The following HTR7 variants were observed in gnomAD, a reference collection of about 807,000 sequenced individuals.
The protein encoded by HTR7 is 5-hydroxytryptamine receptor 7, also known as 5-HT-7.
A neutral mutation model predicts 34.0 loss-of-function variants in HTR7; 16 were observed. That is an observed-to-expected ratio of 0.47 (90% CI 0.32 to 0.71). The LOEUF is 0.71. Among genes scored for constraint, HTR7 ranks in the 30% least tolerant of loss-of-function variants. The probability of loss-of-function intolerance (pLI) is 0.04; values close to 1 mark genes in which losing one functional copy is unlikely to be tolerated. For missense variants in HTR7, 504 were observed against 625.5 expected (o/e 0.81, Z 2.07); for synonymous variants, 265 against 260.2 (o/e 1.02, Z -0.18).
intron 1 of HTR7, among the ~76,000 whole-genome samples, chr10:90,842,402 T>C (rs1311562775): frequency 6.6e-6 from 1 of 152,160 alleles, no homozygotes; most frequent in Non-Finnish European, 1.5e-5. Context: ...TATAGCAGCA[T>C]GAAGGGGTAA....
chr10:90,849,360 A>C (rs150357449), intron 1 of HTR7, among the ~76,000 whole-genome samples: 1 of 152,226 alleles, frequency 6.6e-6, no homozygotes, highest in African/African-American at 2.4e-5. Context: ...TTGTCAATCT[A>C]GAGGGTTAAA....
At position 90,806,401 on chromosome 10, in the gene HTR7, G is replaced by A. The variant is rs556533406; in HGVS notation, c.539+50732C>T. ...ATCACGAGGTCAGGAGATCGAGACC[G>A]TCCTGGCCAACACGGTGAAACCCCG... On this transcript the variant is annotated intron_variant, in intron 1 of 3. Transcript: ENST00000336152. Among the ~76,000 whole-genome samples, 44 of 152,026 alleles carry A rather than the reference G, an allele frequency of 2.9e-4. No individual in the cohort carries two copies. In the South Asian group the frequency reaches 4.0e-3, roughly 14 times the overall value.
intron 1 of HTR7, among the ~76,000 whole-genome samples, chr10:90,827,960 T>TTATA (rs1209323392): frequency 5.9e-5 from 9 of 152,146 alleles, no homozygotes; most frequent in Non-Finnish European, 1.2e-4. Context: ...AGACCATATA[T>TTATA]TAGGACACAA....
intron 1 of HTR7, among the ~76,000 whole-genome samples, chr10:90,818,654 C>T (rs532070045): frequency 5.9e-5 from 9 of 152,258 alleles, no homozygotes; most frequent in African/African-American, 1.9e-4. Flanking sequence ...TGATTCAGCA[C>T]AAAGGCCCCC....
chr10:90,744,054 C>A (rs1844597439), intron 2 of HTR7: 1 of 396,334 alleles, frequency 2.5e-6, no homozygotes, highest in South Asian at 2.0e-5. Context: ...ATACGTAGAG[C>A]CAAGAAGGCA....
intron 1 of HTR7, among the ~76,000 whole-genome samples, chr10:90,763,194 G>A (rs921982885): frequency 9.9e-5 from 15 of 152,168 alleles, no homozygotes; most frequent in African/African-American, 3.6e-4. Context: ...TTTGATAGGA[G>A]TTGCATTGAA....
chr10:90,845,177 G>C lies in HTR7; in HGVS notation c.539+11956C>G, dbSNP rs546913164. Among the ~76,000 whole-genome samples, 10 of 152,298 alleles carry C rather than the reference G, an allele frequency of 6.6e-5. No homozygotes were observed. The East Asian group carries it at 1.9e-3, about 29-fold the overall frequency. ...GCAAATCAACTGGGTGCAAACTGAT[G>C]GCACTTTTTGGGATGGGAACCTTGG... On this transcript the variant is annotated intron_variant, in intron 1 of 3. Coordinates refer to ENST00000336152, the MANE Select transcript of HTR7 (RefSeq NM_019859.4).
intron 3 of HTR7, 69 bp from the exon 4 acceptor site, chr10:90,742,597 G>GT: frequency 9.1e-7 from 1 of 1,098,892 alleles, no homozygotes; most frequent in Admixed American, 1.9e-5. Context: ...TCATTTTGTG[G>GT]TAGGTGGACT....
At chr10:90,777,364 C>G (rs984388692) in intron 1 of HTR7, among the ~76,000 whole-genome samples, 1 of 151,530 alleles carries the variant, frequency 6.6e-6, no homozygotes, top group Non-Finnish European at 1.5e-5. Context: ...GCCTGTAATC[C>G]CAGCTACTAA....
intron 1 of HTR7, among the ~76,000 whole-genome samples, chr10:90,855,936 G>A (rs1438511968): frequency 6.6e-6 from 1 of 151,936 alleles, no homozygotes; most frequent in Non-Finnish European, 1.5e-5. Flanking sequence ...ATAAACCCTG[G>A]TCAAGCAAAA....
At chr10:90,850,972 A>G (rs1846488686) in intron 1 of HTR7, among the ~76,000 whole-genome samples, 1 of 152,252 alleles carries the variant, frequency 6.6e-6, no homozygotes, top group African/African-American at 2.4e-5. Flanking sequence ...TTGACGAGAT[A>G]ACAGCAAACT....
chr10:90,772,802 T>C (rs181744710), intron 1 of HTR7, among the ~76,000 whole-genome samples: 46 of 152,336 alleles, frequency 3.0e-4, no homozygotes, highest in Non-Finnish European at 4.9e-4. Flanking sequence ...ACTGAGCATA[T>C]GTAACATGCC....
chr10:90,804,696 C>T (rs1332481542), intron 1 of HTR7, among the ~76,000 whole-genome samples: 1 of 152,194 alleles, frequency 6.6e-6, no homozygotes, highest in Non-Finnish European at 1.5e-5. Flanking sequence ...TTAAAGACTT[C>T]TATGGTTAGC....
intron 1 of HTR7, among the ~76,000 whole-genome samples, chr10:90,808,205 G>GT (rs2119952808): frequency 6.6e-6 from 1 of 152,222 alleles, no homozygotes; most frequent in South Asian, 2.1e-4. Context: ...TCTGGGGGGG[G>GT]CAAGTACCCC....
chr10:90,777,799 T>C (rs747261983), intron 1 of HTR7, among the ~76,000 whole-genome samples: 4 of 151,988 alleles, frequency 2.6e-5, no homozygotes, highest in Non-Finnish European at 5.9e-5. Flanking sequence ...AAACAAGGAG[T>C]TGGGTCCTTA....
chr10:90,776,003 T>C (rs149172587), intron 1 of HTR7, among the ~76,000 whole-genome samples: 5 of 152,370 alleles, frequency 3.3e-5, no homozygotes, highest in African/African-American at 4.8e-5. Flanking sequence ...AATTTCCACA[T>C]ATAAAATTAT....
intron 1 of HTR7, among the ~76,000 whole-genome samples, chr10:90,829,021 C>CA (rs1846124759): frequency 6.6e-6 from 1 of 152,074 alleles, no homozygotes; most frequent in African/African-American, 2.4e-5. Context: ...AAACCAAATT[C>CA]AACAACATAC....
At chr10:90,833,036 G>A (rs946058297) in intron 1 of HTR7, among the ~76,000 whole-genome samples, 2 of 152,338 alleles carry the variant, frequency 1.3e-5, no homozygotes, top group Middle Eastern at 3.4e-3. Context: ...GTGGAGGAAG[G>A]TGGAGTAGAC....
intron 1 of HTR7, among the ~76,000 whole-genome samples, chr10:90,788,701 A>T (rs1284108010): frequency 6.6e-6 from 1 of 152,208 alleles, no homozygotes; most frequent in Non-Finnish European, 1.5e-5. Context: ...TTTTGAATGT[A>T]CTTCATATAA....
Sources: gnomAD v4.1 joint callset for allele counts (sites outside exome capture counted in the v4.1 genomes callset) on GRCh38, gnomAD v4.1.1 for gene constraint, MANE v1.5 for transcripts, NCBI Gene and HGNC (gene_info 2026-07-23, HGNC 2026-07-21) for gene names.